Variants in SLC5A4 observed in about 807,000 individuals in gnomAD.
The protein encoded by SLC5A4 is solute carrier family 5 member 4, also known as probable glucose sensor protein SLC5A4.
SLC5A4 carries 55 observed loss-of-function variants against 70.3 expected under a neutral mutation model. The observed-to-expected ratio is 0.78, with a 90% CI of 0.63 to 0.98. The LOEUF (loss-of-function observed/expected upper bound fraction) is 0.98. SLC5A4 is among the 50% of genes least tolerant of loss of function. The probability of loss-of-function intolerance (pLI) is 0.00; values close to 1 mark genes in which losing one functional copy is unlikely to be tolerated. For missense variants in SLC5A4, 735 were observed against 839.2 expected, an observed-to-expected ratio of 0.88 and a Z score of 1.53; for synonymous variants, 268 against 305.7, an observed-to-expected ratio of 0.88 and a Z score of 1.29.
At chr22:32,279,218 G>C in the SLC5A4 span, among the ~76,000 whole-genome samples, 1 of 152,278 alleles carries the variant, frequency 6.6e-6, no homozygotes, top group Non-Finnish European at 1.5e-5. Flanking sequence ...GGAGCTTGCA[G>C]TGAGCGGAGA....
intron 11 of SLC5A4, 41 bp downstream of exon 11, chr22:32,229,153 C>T: frequency 6.3e-7 from 1 of 1,593,024 alleles, no homozygotes; most frequent in Non-Finnish European, 8.6e-7. Context: ...TACGTCTGTA[C>T]TTCTCCAGAG....
At chr22:32,337,667 G>A in the SLC5A4 span, among the ~76,000 whole-genome samples, 63 of 152,346 alleles carry the variant, frequency 4.1e-4, no homozygotes, top group African/African-American at 1.1e-3. Context: ...GGGGCAAGCT[G>A]GTCAACATTT....
At chr22:32,283,938 T>C in the SLC5A4 span, among the ~76,000 whole-genome samples, 2 of 152,222 alleles carry the variant, frequency 1.3e-5, no homozygotes, top group Non-Finnish European at 2.9e-5. Flanking sequence ...AAGAATGAAT[T>C]GGAGCTCTAT....
In SLC5A4 at chr22:32,225,702, CAATTGGAGGCCCAAGGTAGCTAGA is replaced by C; in HGVS notation, c.1378_1401del (p.Ser460_Ile467del). ...AAGATGGCAAGCACAAAGACAGCTG[CAATTGGAGGCCCAAGGTAGCTAGA>C]AATTGATTCTGTGTAATGGATTAGT... On this transcript the variant is annotated inframe_deletion, in exon 12 of 15. Transcript: ENST00000266086. 6.2e-7 allele frequency: 1 copy of C among 1,613,388 alleles called. No homozygotes were observed. Among genetic ancestry groups the C allele is most frequent in the Non-Finnish European group, 8.5e-7 (1 of 1,179,562 alleles).
At chr22:32,311,178 G>A in the SLC5A4 span, among the ~76,000 whole-genome samples, 2 of 152,152 alleles carry the variant, frequency 1.3e-5, no homozygotes, top group African/African-American at 2.4e-5. Context: ...TGAGTTCCCG[G>A]CAGAACACTC....
the SLC5A4 span, among the ~76,000 whole-genome samples, chr22:32,339,675 G>A: frequency 3.9e-5 from 6 of 152,202 alleles, no homozygotes; most frequent in South Asian, 2.1e-4. Flanking sequence ...TCAAGGCTGC[G>A]AAAGACCTTC....
the SLC5A4 span, among the ~76,000 whole-genome samples, chr22:32,323,050 C>T: frequency 6.6e-6 from 1 of 152,196 alleles, no homozygotes. Context: ...GCACTGCAAG[C>T]GTATCTAACT....
chr22:32,223,061 T>C (rs534339789), intron 13 of SLC5A4, among the ~76,000 whole-genome samples: 70 of 152,272 alleles, frequency 4.6e-4, no homozygotes, highest in African/African-American at 1.5e-3. Flanking sequence ...CATTATTATA[T>C]TATTCTGCAC....
At chr22:32,240,039 A>G (rs1926425482) in intron 5 of SLC5A4, among the ~76,000 whole-genome samples, 2 of 151,524 alleles carry the variant, frequency 1.3e-5, no homozygotes, top group Admixed American at 6.6e-5. Flanking sequence ...AAAAAAAAAA[A>G]AAAAGAAAGT....
the SLC5A4 span, among the ~76,000 whole-genome samples, chr22:32,297,973 A>G: frequency 1.9e-5 from 2 of 102,622 alleles, no homozygotes; most frequent in African/African-American, 7.4e-5. Flanking sequence ...TTTGAGTGAG[A>G]TTCTTAATCC....
At chr22:32,289,994 T>C in the SLC5A4 span, among the ~76,000 whole-genome samples, 1 of 152,200 alleles carries the variant, frequency 6.6e-6, no homozygotes, top group African/African-American at 2.4e-5. Flanking sequence ...TGTGTATGAT[T>C]GGCGTGGTTT....
intron 5 of SLC5A4, among the ~76,000 whole-genome samples, chr22:32,239,765 C>T (rs1277396766): frequency 6.8e-6 from 1 of 147,964 alleles, no homozygotes. Flanking sequence ...TGGCTCACAC[C>T]TGGAATCCCA....
the SLC5A4 span, among the ~76,000 whole-genome samples, chr22:32,306,632 G>C: frequency 6.6e-6 from 1 of 152,164 alleles, no homozygotes; most frequent in Non-Finnish European, 1.5e-5. Context: ...AGAGTTTACA[G>C]GAGAGAAAAT....
At chr22:32,269,459 A>AAGCCCATCCTGTTCG in the SLC5A4 span, 1 of 518,910 alleles carries the variant, frequency 1.9e-6, no homozygotes, top group Non-Finnish European at 3.7e-6. This position sits in a 1 kb window ranked among gnomAD's most constrained non-coding sequence, Gnocchi z 4.1. Flanking sequence ...CGGCTACTAC[A>AAGCCCATCCTGTTCG]AGCCCATCCT....
At chr22:32,348,075 G>C in the SLC5A4 span, among the ~76,000 whole-genome samples, 2 of 152,158 alleles carry the variant, frequency 1.3e-5, no homozygotes, top group African/African-American at 2.4e-5. Context: ...GTTGTGGTGA[G>C]AATTAAGGAA....
chr22:32,331,147 AGGCTCTGGTGTGTGTGTTGGGG>A, the SLC5A4 span, among the ~76,000 whole-genome samples: 160 of 39,532 alleles, frequency 4.0e-3, 1 homozygote, highest in Non-Finnish European at 4.9e-3. Flanking sequence ...TGTGTGTTGG[AGGCTCTGGTGTGTGTGTTGGGG>A]GGCTCTGGTG....
chr22:32,277,840 G>A, the SLC5A4 span, among the ~76,000 whole-genome samples: 7 of 152,184 alleles, frequency 4.6e-5, no homozygotes, highest in Admixed American at 2.0e-4. Flanking sequence ...GAGCCACCGC[G>A]CCCAGCCCGA....
chr22:32,272,879 T>C, the SLC5A4 span: 2 of 512,278 alleles, frequency 3.9e-6, no homozygotes, highest in Non-Finnish European at 7.7e-6. Context: ...CTGCTGATGC[T>C]GCTGAACGTG....
At chr22:32,300,619 T>C in the SLC5A4 span, among the ~76,000 whole-genome samples, 7 of 151,624 alleles carry the variant, frequency 4.6e-5, no homozygotes, top group Non-Finnish European at 8.8e-5. Context: ...TCACCTGTCT[T>C]CTGCGTCACT....
Sources: gnomAD v4.1 joint callset for allele counts (sites outside exome capture counted in the v4.1 genomes callset) on GRCh38, gnomAD v4.1.1 for gene constraint, Gnocchi (gnomAD v3.1) non-coding constraint, MANE v1.5 for transcripts, NCBI Gene and HGNC (gene_info 2026-07-23, HGNC 2026-07-21) for gene names.